KLHL6: variants seen among roughly 807,000 people sequenced by gnomAD.
The protein encoded by KLHL6 is kelch like family member 6, also known as kelch-like protein 6.
In KLHL6, 41 loss-of-function variants were observed where a neutral mutation model predicts 58.6. That is an observed-to-expected ratio of 0.70 (90% CI 0.55 to 0.91). The LOEUF is 0.91. Among genes scored for constraint, KLHL6 ranks in the 40% least tolerant of loss-of-function variants. KLHL6 has a pLI of 0.00. For synonymous variants in KLHL6, 338 were observed against 322.7 expected (o/e 1.05, Z -0.51); for missense variants, 714 against 805.6 (o/e 0.89, Z 1.38).
At chr3:183,538,656 G>C (rs1194640441) in intron 1 of KLHL6, among the ~76,000 whole-genome samples, 1 of 152,170 alleles carries the variant, frequency 6.6e-6, no homozygotes, top group East Asian at 1.9e-4. Flanking sequence ...GTCAATCAAA[G>C]GGGGTTCCAT....
chr3:183,504,513 G>A (rs1158154957), intron 3 of KLHL6, among the ~76,000 whole-genome samples: 2 of 152,012 alleles, frequency 1.3e-5, no homozygotes, highest in East Asian at 3.8e-4. Flanking sequence ...AAATACAAAA[G>A]GCAATAAAAA....
At chr3:183,523,911 C>G (rs893363158) in intron 2 of KLHL6, among the ~76,000 whole-genome samples, 5 of 151,994 alleles carry the variant, frequency 3.3e-5, no homozygotes, top group Admixed American at 1.3e-4. Context: ...AGGCGCCCAC[C>G]ACCACACCTG....
intron 1 of KLHL6, among the ~76,000 whole-genome samples, chr3:183,549,480 C>T (rs1327422635): frequency 6.6e-6 from 1 of 152,112 alleles, no homozygotes; most frequent in East Asian, 1.9e-4. Context: ...TTTTTTGTAA[C>T]TTATTTCATG....
intron 2 of KLHL6, among the ~76,000 whole-genome samples, chr3:183,525,890 A>G (rs1217164676): frequency 6.6e-6 from 1 of 152,220 alleles, no homozygotes; most frequent in African/African-American, 2.4e-5. Flanking sequence ...AGTGATATGC[A>G]TATAGAGACT....
intron 1 of KLHL6, among the ~76,000 whole-genome samples, chr3:183,538,154 A>G (rs1712426601): frequency 6.6e-6 from 1 of 152,184 alleles, no homozygotes; most frequent in Admixed American, 6.5e-5. Flanking sequence ...TAGAGCTTGA[A>G]GAGGACACTC....
rs1387337992 is a variant in KLHL6, at chr3:183,533,090, C to T, written c.294-5080G>A. Reference sequence around the variant, plus strand: ...TGAACAGGTTAGGGAGCCGTTATCTCCCAGCCAAGTCACTGAAATGCAAAG... The same window carrying T: ...TGAACAGGTTAGGGAGCCGTTATCTTCCAGCCAAGTCACTGAAATGCAAAG... On this transcript the variant is annotated intron_variant, in intron 1 of 6. Transcript: ENST00000341319. Among the ~76,000 whole-genome samples, 4 of 152,184 alleles carry T rather than the reference C, an allele frequency of 2.6e-5. No homozygotes were observed. In the East Asian group the frequency reaches 7.7e-4, roughly 29 times the overall value.
chr3:183,551,288 A>G (rs1712906927), intron 1 of KLHL6, among the ~76,000 whole-genome samples: 2 of 152,166 alleles, frequency 1.3e-5, no homozygotes, highest in South Asian at 4.1e-4. Flanking sequence ...ATGGAGAAGC[A>G]GGTGAATCCC....
intron 1 of KLHL6, among the ~76,000 whole-genome samples, chr3:183,531,321 A>G (rs1712150306): frequency 6.6e-6 from 1 of 152,104 alleles, no homozygotes; most frequent in African/African-American, 2.4e-5. Context: ...CCAGAAGGGA[A>G]GACAATCAAA....
intron 4 of KLHL6, among the ~76,000 whole-genome samples, chr3:183,496,468 TC>T (rs555756865): frequency 6.6e-6 from 1 of 152,236 alleles, no homozygotes; most frequent in Non-Finnish European, 1.5e-5. Flanking sequence ...TATGACCACT[TC>T]CAGGAAACTT....
chr3:183,524,186 C>T (rs550191929), intron 2 of KLHL6, among the ~76,000 whole-genome samples: 1 of 152,262 alleles, frequency 6.6e-6, no homozygotes, highest in East Asian at 1.9e-4. Flanking sequence ...TCCTTACAGC[C>T]ATTGTCCCAG....
chr3:183,515,799 C>T (rs191283232), intron 2 of KLHL6, among the ~76,000 whole-genome samples: 5 of 152,206 alleles, frequency 3.3e-5, no homozygotes, highest in Non-Finnish European at 7.4e-5. Context: ...CTAGCAGCAT[C>T]TAGCAGAAAG....
chr3:183,490,144 G>A lies in KLHL6; in HGVS notation c.*1783C>T, dbSNP rs1455695557. The stretch of plus-strand genomic sequence containing the variant: ...TCATTTGAAAGCTGTAGCTCTTACA[G>A]TGAAGGACAGATTCTGTTCTTTAAG... On this transcript the variant is annotated 3_prime_UTR_variant, in exon 7 of 7. Transcript: ENST00000341319. 1 of 152,168 alleles carries A rather than the reference G, an allele frequency of 6.6e-6. No homozygotes were observed. Among genetic ancestry groups the A allele is most frequent in the Non-Finnish European group, 1.5e-5 (1 of 68,046 alleles). 9.4% of individuals were successfully genotyped at this position (152,168 alleles called of 1,614,324 possible).
chr3:183,502,403 G>A (rs1717891861), intron 3 of KLHL6, among the ~76,000 whole-genome samples: 1 of 152,094 alleles, frequency 6.6e-6, no homozygotes, highest in South Asian at 2.1e-4. Flanking sequence ...TGGCCCCAGT[G>A]ATCCCTGCTT....
Position 183,487,626 on chromosome 3 carries a change from T to C in KLHL6, c.*4301A>G, listed in dbSNP as rs1293194046. ...TTTTAAAACCTATAAACAATATTCTTAGTTTGATCACTTAAAACATACAAC... is the reference window on the plus strand; with the variant it reads ...TTTTAAAACCTATAAACAATATTCTCAGTTTGATCACTTAAAACATACAAC... On this transcript the variant is annotated 3_prime_UTR_variant, in exon 7 of 7. Transcript: ENST00000341319. 6.6e-6 allele frequency: 1 copy of C among 152,332 alleles called. No individual in the cohort carries two copies. The highest frequency in any genetic ancestry group is 1.9e-4 in the East Asian group (1 of 5,192). 9.4% of individuals were successfully genotyped at this position (152,332 alleles called of 1,614,324 possible).
intron 3 of KLHL6, among the ~76,000 whole-genome samples, chr3:183,502,289 C>T (rs1298309200): frequency 7.2e-5 from 10 of 138,940 alleles, no homozygotes; most frequent in South Asian, 4.7e-4. Flanking sequence ...GCAACAAGAG[C>T]GAAACTCCAT....
chr3:183,505,134 T>G (rs1717967921), intron 3 of KLHL6, among the ~76,000 whole-genome samples: 1 of 152,222 alleles, frequency 6.6e-6, no homozygotes, highest in Admixed American at 6.5e-5. Context: ...TGCAATTATA[T>G]GCAGGCTGTC....
chr3:183,499,556 G>T lies in KLHL6; in HGVS notation c.1147+34C>A. The T allele has an allele frequency of 6.9e-7, 1 of 1,445,068 alleles. No individual in the cohort carries two copies. Among genetic ancestry groups the T allele is most frequent in the South Asian group, 1.3e-5 (1 of 77,276 alleles). The allele number at this position is 1,445,068 out of a possible 1,614,324, so 89.5% of individuals were successfully genotyped here. A position where few individuals can be genotyped will look rare whatever the true frequency, so the allele number is the denominator to read the frequency against. The stretch of plus-strand genomic sequence containing the variant: ...CTCAGGAATATATGTAGTGCTACTG[G>T]AGCTTGCTTTGCCTTTACATGACTC... On this transcript the variant is annotated intron_variant, in intron 4 of 6. Coordinates refer to ENST00000341319, the MANE Select transcript of KLHL6 (RefSeq NM_130446.4). The surrounding 1 kb of genome is among the most constrained non-coding windows in gnomAD (Gnocchi z 4.6).
At chr3:183,546,603 G>C (rs1034132430) in intron 1 of KLHL6, among the ~76,000 whole-genome samples, 28 of 152,250 alleles carry the variant, frequency 1.8e-4, no homozygotes, top group African/African-American at 6.7e-4. Context: ...AACTTCTTTG[G>C]GGATTTTATG....
intron 2 of KLHL6, among the ~76,000 whole-genome samples, chr3:183,518,845 C>T (rs1318019753): frequency 6.6e-6 from 1 of 152,096 alleles, no homozygotes. Flanking sequence ...GCTTTTCCCA[C>T]CCTGGAGGCA....
Sources: gnomAD v4.1 joint callset for allele counts (sites outside exome capture counted in the v4.1 genomes callset) on GRCh38, gnomAD v4.1.1 for gene constraint, Gnocchi (gnomAD v3.1) non-coding constraint, MANE v1.5 for transcripts, NCBI Gene and HGNC (gene_info 2026-07-23, HGNC 2026-07-21) for gene names.